Variants in CELF2 observed in about 807,000 individuals in gnomAD.
CELF2 encodes the protein CUGBP Elav-like family member 2.
Under a neutral mutation model 62.6 loss-of-function variants are expected in CELF2, and 8 were observed. The observed-to-expected ratio is 0.13, with a 90% CI of 0.07 to 0.23. The LOEUF (loss-of-function observed/expected upper bound fraction) is 0.23, where lower values mean the gene tolerates loss of function less well. Ranked by LOEUF, CELF2 falls within the 10% of genes least tolerant of loss-of-function variation. CELF2 has a pLI of 1.00. For missense variants in CELF2, 333 were observed against 671.0 expected (o/e 0.50, Z 5.56); for synonymous variants, 258 against 250.0 (o/e 1.03, Z -0.30).
chr10:10,924,723 G>GTTTTTTTTTT (rs751311320), intron 2 of CELF2, among the ~76,000 whole-genome samples: 3 of 24,516 alleles, frequency 1.2e-4, no homozygotes, highest in Admixed American at 4.8e-4. Flanking sequence ...TAACTTGATC[G>GTTTTTTTTTT]CTTTTTTTTT....
intron 1 of CELF2, among the ~76,000 whole-genome samples, chr10:11,135,435 A>G (rs2060279493): frequency 6.6e-6 from 1 of 152,228 alleles, no homozygotes; most frequent in Non-Finnish European, 1.5e-5. Flanking sequence ...TCAAAAAACC[A>G]TTGAATGTCT....
chr10:10,662,805 A>AC, the CELF2 span, among the ~76,000 whole-genome samples: 2 of 152,188 alleles, frequency 1.3e-5, no homozygotes, highest in African/African-American at 4.8e-5. Context: ...CTGATGTGTT[A>AC]ATTGGAGAGC....
At chr10:10,609,868 C>T in the CELF2 span, among the ~76,000 whole-genome samples, 2 of 152,172 alleles carry the variant, frequency 1.3e-5, no homozygotes, top group Non-Finnish European at 2.9e-5. Context: ...CACAGATATG[C>T]TTGGAAGAGC....
intron 1 of CELF2, among the ~76,000 whole-genome samples, chr10:11,155,761 T>C (rs1394596873): frequency 2.6e-5 from 4 of 152,154 alleles, no homozygotes; most frequent in Non-Finnish European, 5.9e-5. Flanking sequence ...CTTTTGATTT[T>C]CCAGATCAGT....
At chr10:10,499,990 C>A in the CELF2 span, among the ~76,000 whole-genome samples, 1 of 152,102 alleles carries the variant, frequency 6.6e-6, no homozygotes, top group Non-Finnish European at 1.5e-5. Context: ...TTCACTTTTG[C>A]TAAGTATAAA....
At position 11,318,751 on chromosome 10, in the gene CELF2, G is replaced by A. The variant is rs1175926944; in HGVS notation, c.1097-2438G>A. The A allele has an allele frequency of 4.3e-6, 2 of 467,512 alleles. No homozygotes were observed. Among genetic ancestry groups the A allele is most frequent in the African/African-American group, 2.0e-5 (1 of 49,708 alleles). The allele number at this position is 467,512 out of a possible 1,614,324, so 29.0% of individuals were successfully genotyped here. On this transcript the variant is annotated intron_variant, in intron 10 of 12. Coordinates refer to ENST00000633077, the MANE Select transcript of CELF2 (RefSeq NM_001326342.2). The surrounding 1 kb of genome is among the most constrained non-coding windows in gnomAD (Gnocchi z 5.4). ...AGTAGGAAGATAATTTTTCTGACCT[G>A]GAAATTAAAAAAACAGCTGTGTACA...
At position 11,319,565 on chromosome 10, in the gene CELF2, A is replaced by G. The variant is rs1422498390; in HGVS notation, c.1097-1624A>G. Reference sequence around the variant, plus strand: ...AATGAAAATCTCAATGATTTTCATTAATAGATAGACCCCTTCATAATGAGA... The same window carrying G: ...AATGAAAATCTCAATGATTTTCATTGATAGATAGACCCCTTCATAATGAGA... On this transcript the variant is annotated intron_variant, in intron 10 of 12. Coordinates refer to ENST00000633077, the MANE Select transcript of CELF2 (RefSeq NM_001326342.2). This position sits in a 1 kb window ranked among gnomAD's most constrained non-coding sequence, Gnocchi z 4.4. Among the ~76,000 whole-genome samples the G allele has an allele frequency of 1.3e-5, 2 of 152,174 alleles. No homozygotes were observed. Among genetic ancestry groups the G allele is most frequent in the African/African-American group, 4.8e-5 (2 of 41,436 alleles).
At chr10:11,251,120 A>G (rs2076996277) in intron 4 of CELF2, among the ~76,000 whole-genome samples, 3 of 152,176 alleles carry the variant, frequency 2.0e-5, no homozygotes. Context: ...AACTGTATTT[A>G]GAGTATTCAG....
chr10:10,829,715 C>G (rs2057689407), intron 1 of CELF2, among the ~76,000 whole-genome samples: 1 of 152,118 alleles, frequency 6.6e-6, no homozygotes, highest in African/African-American at 2.4e-5. Flanking sequence ...CTCTAGGACT[C>G]AAGCCAGCCA....
rs565645857 is a variant in CELF2 at position 10,957,501 on chromosome 10, G to A, written c.89+37502G>A. Among the ~76,000 whole-genome samples, 47 of 152,192 alleles carry A rather than the reference G, an allele frequency of 3.1e-4. No homozygotes were observed. The highest frequency in any genetic ancestry group is 4.9e-4 in the Non-Finnish European group (33 of 68,010). ...TAACCAGGATCTACTTTAAACAACC[G>A]TCAGACCACCAGGCATTTGTTCCAT... On this transcript the variant is annotated intron_variant, in intron 2 of 13. Coordinates refer to the CELF2 transcript ENST00000636488. The surrounding 1 kb of genome is among the most constrained non-coding windows in gnomAD (Gnocchi z 4.1).
At chr10:10,877,650 A>G (rs1425561589) in intron 1 of CELF2, among the ~76,000 whole-genome samples, 1 of 152,224 alleles carries the variant, frequency 6.6e-6, no homozygotes, top group African/African-American at 2.4e-5. Context: ...TCCTTTCACA[A>G]TTGAATGGAT....
At chr10:10,807,105 C>T (rs955899943) in intron 1 of CELF2, among the ~76,000 whole-genome samples, 3 of 152,156 alleles carry the variant, frequency 2.0e-5, no homozygotes, top group Non-Finnish European at 4.4e-5. Context: ...GTTTGCTTTG[C>T]TAGAAAATAA....
At position 11,010,085 on chromosome 10, in the gene CELF2, T is replaced by C. The variant is rs949909676; in HGVS notation, c.53+4645T>C. 6.6e-6 allele frequency: 1 copy of C among 152,272 alleles called. No homozygotes were observed. Among genetic ancestry groups the C allele is most frequent in the Non-Finnish European group, 1.5e-5 (1 of 68,048 alleles). The allele number at this position is 152,272 out of a possible 1,614,324, so 9.4% of individuals were successfully genotyped here. A position where few individuals can be genotyped will look rare whatever the true frequency, so the allele number is the denominator to read the frequency against. ...CCCACCAGGACAGCAGGCCCTGCGA[T>C]GTTGCTCATGCTTTGCTTTGTGAAC... On this transcript the variant is annotated intron_variant, in intron 1 of 12. Transcript: ENST00000416382. The surrounding 1 kb of genome is among the most constrained non-coding windows in gnomAD (Gnocchi z 4.1).
At chr10:10,530,533 A>C in the CELF2 span, among the ~76,000 whole-genome samples, 1 of 152,152 alleles carries the variant, frequency 6.6e-6, no homozygotes, top group African/African-American at 2.4e-5. Context: ...TCTCAGCCTC[A>C]TTTTTGTAGG....
At chr10:11,205,082 G>C (rs2060130954) in intron 2 of CELF2, among the ~76,000 whole-genome samples, 1 of 152,194 alleles carries the variant, frequency 6.6e-6, no homozygotes, top group Non-Finnish European at 1.5e-5. Flanking sequence ...AAAATTGATT[G>C]ACTATTTAGA....
the CELF2 span, among the ~76,000 whole-genome samples, chr10:10,625,504 C>T: frequency 6.6e-6 from 1 of 151,538 alleles, no homozygotes; most frequent in Non-Finnish European, 1.5e-5. Context: ...AGCCTCATGC[C>T]CTGCTGGATC....
rs367871377 is a variant in CELF2 at position 11,005,391 on chromosome 10, C to T, written c.4C>T (p.Arg2Cys). 3.7e-6 allele frequency: 6 copies of T among 1,613,648 alleles called. No homozygotes were observed. Among genetic ancestry groups the T allele is most frequent in the African/African-American group, 2.7e-5 (2 of 74,874 alleles). Residue 2 changes from arginine (R) to cysteine (C), a missense_variant, in exon 1 of 13, where the codon CGC becomes TGC. By Grantham distance (180) the Arg-to-Cys change is radical. Transcript: ENST00000416382. The surrounding 1 kb of genome is among the most constrained non-coding windows in gnomAD (Gnocchi z 4.3). Reference sequence around the variant, plus strand: ...TTGAGACTATCAGTATAGAAGCATGCGCTGTCCCAAATCCGCTGTTACTAT... The same window carrying T: ...TTGAGACTATCAGTATAGAAGCATGTGCTGTCCCAAATCCGCTGTTACTAT...
chr10:10,999,576 G>A (rs1387955410), intron 2 of CELF2, among the ~76,000 whole-genome samples: 2 of 152,088 alleles, frequency 1.3e-5, no homozygotes, highest in African/African-American at 4.8e-5. Flanking sequence ...ACTCCAGCCT[G>A]GGCAACAGAG....
the CELF2 span, among the ~76,000 whole-genome samples, chr10:10,634,446 T>C: frequency 6.6e-6 from 1 of 152,166 alleles, no homozygotes; most frequent in Non-Finnish European, 1.5e-5. Flanking sequence ...CAGCTGATTC[T>C]CATGTTTTGC....
Sources: allele counts gnomAD v4.1 joint callset (sites outside exome capture counted in the v4.1 genomes callset), GRCh38; gene constraint gnomAD v4.1.1; non-coding constraint Gnocchi (gnomAD v3.1); transcripts MANE v1.5; gene names NCBI Gene and HGNC (gene_info 2026-07-23, HGNC 2026-07-21).